The following GAP43 variants were observed in gnomAD, a reference collection of about 807,000 sequenced individuals.
The protein encoded by GAP43 is neuromodulin.
GAP43 carries 6 observed loss-of-function variants against 18.6 expected under a neutral mutation model. The observed-to-expected ratio is 0.32, with a 90% CI of 0.18 to 0.64. The LOEUF (loss-of-function observed/expected upper bound fraction) is 0.64, where lower values mean the gene tolerates loss of function less well. GAP43 is among the 30% of genes least tolerant of loss of function. GAP43 has a pLI of 0.78. For missense variants in GAP43, 292 were observed against 295.5 expected, an observed-to-expected ratio of 0.99 and a Z score of 0.09; for synonymous variants, 115 against 111.4, an observed-to-expected ratio of 1.03 and a Z score of -0.20.
At chr3:115,638,827 T>A (rs192072458) in intron 1 of GAP43, among the ~76,000 whole-genome samples, 52 of 152,192 alleles carry the variant, frequency 3.4e-4, no homozygotes, top group African/African-American at 8.9e-4. Context: ...TTATGGAGAC[T>A]CTCTGATCCT....
intron 1 of GAP43, among the ~76,000 whole-genome samples, chr3:115,627,112 C>A (rs1338088169): frequency 7.1e-6 from 1 of 141,092 alleles, no homozygotes; most frequent in Non-Finnish European, 1.5e-5. Context: ...ATTTGAAGGG[C>A]ATTTTCTTTC....
chr3:115,649,322 C>T (rs960190176), intron 1 of GAP43, among the ~76,000 whole-genome samples: 1 of 151,988 alleles, frequency 6.6e-6, no homozygotes, highest in African/African-American at 2.4e-5. Flanking sequence ...TCCGAAAGGC[C>T]CCACCTCTTA....
intron 1 of GAP43, among the ~76,000 whole-genome samples, chr3:115,665,852 T>C (rs573305348): frequency 2.0e-5 from 3 of 152,326 alleles, no homozygotes; most frequent in Admixed American, 2.0e-4. Context: ...TTGTAACTTT[T>C]ATCAGGCTTG....
chr3:115,668,909 G>A (rs1008317738), intron 1 of GAP43, among the ~76,000 whole-genome samples: 2 of 152,040 alleles, frequency 1.3e-5, no homozygotes, highest in African/African-American at 2.4e-5. Context: ...TGGGCATGGT[G>A]GCACATAGCT....
rs146886716 is a variant in GAP43 at position 115,639,557 on chromosome 3, G to A, written c.30+15838G>A. Among the ~76,000 whole-genome samples, 52 of 152,158 alleles carry A rather than the reference G, an allele frequency of 3.4e-4. 1 individual carries two copies. The highest frequency in any genetic ancestry group is 1.0e-3 in the South Asian group (5 of 4,828). The stretch of plus-strand genomic sequence containing the variant: ...TATAATTTATAGTTACATGTACACT[G>A]TCTCTTACCTTCTCTAGTTAAAAAA... On this transcript the variant is annotated intron_variant, in intron 1 of 2. Coordinates refer to ENST00000305124, the MANE Select transcript of GAP43 (RefSeq NM_002045.4).
intron 1 of GAP43, chr3:115,661,184 C>T (rs1708653861): frequency 1.3e-5 from 2 of 152,202 alleles, no homozygotes; most frequent in Non-Finnish European, 2.9e-5. Flanking sequence ...ATTGCACTCC[C>T]TTGCAGCTGG....
Position 115,676,462 on chromosome 3 carries a change from A to G in GAP43, c.480A>G (p.Pro160=). 1 of 1,614,138 alleles carries G rather than the reference A, an allele frequency of 6.2e-7. No individual in the cohort carries two copies. The highest frequency in any genetic ancestry group is 1.1e-5 in the South Asian group (1 of 91,086). ...CGTCCTCCAAGGCTGAAGATGCCCC[A>G]GCCAAGGAGGAGCCTAAACAAGCCG... The part of the protein sequence containing the change: ...NSPSSKAEDA[P]AKEEPKQADV... Residue 160 remains proline, a synonymous_variant, in exon 2 of 3, where the codon CCA becomes CCG. Transcript: ENST00000305124.
At chr3:115,633,718 T>G (rs1275440452) in intron 1 of GAP43, among the ~76,000 whole-genome samples, 1 of 152,146 alleles carries the variant, frequency 6.6e-6, no homozygotes, top group Non-Finnish European at 1.5e-5. Context: ...TTCACCATCC[T>G]CCTGAGGCTT....
intron 2 of GAP43, among the ~76,000 whole-genome samples, chr3:115,700,808 A>G (rs1163410124): frequency 6.6e-6 from 1 of 152,156 alleles, no homozygotes; most frequent in African/African-American, 2.4e-5. Context: ...TTCTATCTGT[A>G]GTATTTTCAC....
intron 1 of GAP43, among the ~76,000 whole-genome samples, chr3:115,647,132 C>G (rs1708466980): frequency 6.6e-6 from 1 of 151,770 alleles, no homozygotes; most frequent in Non-Finnish European, 1.5e-5. Flanking sequence ...GAGAGTGAAG[C>G]CCTTATGAAT....
intron 2 of GAP43, among the ~76,000 whole-genome samples, chr3:115,680,229 G>A (rs923371792): frequency 2.6e-5 from 4 of 152,134 alleles, no homozygotes; most frequent in African/African-American, 9.7e-5. Context: ...GGAGACCGAG[G>A]CAGGAGGACT....
intron 2 of GAP43, among the ~76,000 whole-genome samples, chr3:115,718,279 T>C (rs769485055): frequency 3.9e-5 from 6 of 152,212 alleles, no homozygotes; most frequent in Non-Finnish European, 7.4e-5. Flanking sequence ...CTGATAAGGA[T>C]GGTAAACTAC....
At position 115,711,941 on chromosome 3, in the gene GAP43, T is replaced by G. The variant is rs533667051; in HGVS notation, c.629-8853T>G. ...TTAACTTAATATATTTACTTCATCT[T>G]ATTCCAAAAATTATTGAGGGCAAGT... On this transcript the variant is annotated intron_variant, in intron 2 of 2. Transcript: ENST00000305124. Among the ~76,000 whole-genome samples, 3 of 152,362 alleles carry G rather than the reference T, an allele frequency of 2.0e-5. No individual in the cohort carries two copies. In the South Asian group the frequency reaches 6.2e-4, roughly 32 times the overall value.
chr3:115,694,549 A>AT (rs1709159724), intron 2 of GAP43, among the ~76,000 whole-genome samples: 1 of 152,198 alleles, frequency 6.6e-6, no homozygotes, highest in Non-Finnish European at 1.5e-5. Context: ...AAAGCTCCAC[A>AT]TGGAGTTTCT....
chr3:115,630,016 A>G (rs1159345889), intron 1 of GAP43, among the ~76,000 whole-genome samples: 1 of 152,156 alleles, frequency 6.6e-6, no homozygotes, highest in Non-Finnish European at 1.5e-5. Context: ...CATAGCTGGC[A>G]CTATCTCCCC....
At chr3:115,704,635 A>G (rs1709338535) in intron 2 of GAP43, among the ~76,000 whole-genome samples, 1 of 152,088 alleles carries the variant, frequency 6.6e-6, no homozygotes, top group Non-Finnish European at 1.5e-5. Flanking sequence ...AAAAATAGCA[A>G]TGGAGGGAAG....
chr3:115,710,915 G>A (rs1709428915), intron 2 of GAP43, among the ~76,000 whole-genome samples: 1 of 152,034 alleles, frequency 6.6e-6, no homozygotes, highest in Non-Finnish European at 1.5e-5. Flanking sequence ...CAATGTCTCA[G>A]TGAATCCAGC....
At chr3:115,688,024 T>TATTC (rs1363970682) in intron 2 of GAP43, among the ~76,000 whole-genome samples, 1 of 151,812 alleles carries the variant, frequency 6.6e-6, no homozygotes, top group Non-Finnish European at 1.5e-5. Context: ...TTTATTTATT[T>TATTC]ATTTATGTTT....
At chr3:115,704,646 G>A (rs986423477) in intron 2 of GAP43, among the ~76,000 whole-genome samples, 26 of 152,024 alleles carry the variant, frequency 1.7e-4, no homozygotes, top group Admixed American at 6.6e-5. Flanking sequence ...TGGAGGGAAG[G>A]AAGAAAGAAG....
Sources: gnomAD v4.1 joint callset for allele counts (sites outside exome capture counted in the v4.1 genomes callset) on GRCh38, gnomAD v4.1.1 for gene constraint, MANE v1.5 for transcripts, NCBI Gene and HGNC (gene_info 2026-07-23, HGNC 2026-07-21) for gene names.